The following CCDC3 variants were observed in gnomAD, a reference collection of about 807,000 sequenced individuals.
CCDC3 encodes coiled-coil domain containing 3.
CCDC3 carries 24 observed loss-of-function variants against 21.4 expected under a neutral mutation model. The observed-to-expected ratio is 1.12, with a 90% CI of 0.81 to 1.58. The LOEUF (loss-of-function observed/expected upper bound fraction) is 1.58, where lower values mean the gene tolerates loss of function less well. Ranked by LOEUF, CCDC3 falls within the 40% of genes most tolerant of loss-of-function variation. The pLI is 0.00. For missense variants in CCDC3, 425 were observed against 360.9 expected, an observed-to-expected ratio of 1.18 and a Z score of -1.44; for synonymous variants, 186 against 166.0, an observed-to-expected ratio of 1.12 and a Z score of -0.93.
intron 2 of CCDC3, among the ~76,000 whole-genome samples, chr10:12,967,641 G>T (rs148948250): frequency 8.0e-4 from 122 of 152,152 alleles, no homozygotes; most frequent in Non-Finnish European, 1.5e-4. Context: ...AAAGTGAAAA[G>T]GGATGAAGAA....
intron 2 of CCDC3, among the ~76,000 whole-genome samples, chr10:12,931,686 C>T (rs777752158): frequency 6.6e-6 from 1 of 152,210 alleles, no homozygotes; most frequent in Non-Finnish European, 1.5e-5. Context: ...GTTTGTCTGA[C>T]CAAACCTCTC....
At chr10:12,946,314 C>CA (rs1564294138) in intron 2 of CCDC3, among the ~76,000 whole-genome samples, 1 of 152,026 alleles carries the variant, frequency 6.6e-6, no homozygotes, top group East Asian at 1.9e-4. Flanking sequence ...AGAGGCTGAC[C>CA]AAAAAGGGGA....
chr10:12,932,779 TATA>T (rs1834668461), intron 2 of CCDC3, among the ~76,000 whole-genome samples: 1 of 152,194 alleles, frequency 6.6e-6, no homozygotes, highest in South Asian at 2.1e-4. Flanking sequence ...CACTATTAAT[TATA>T]ATGTTAGCTT....
chr10:13,088,637 C>G (rs1265504642), intron 3 of CCDC3, among the ~76,000 whole-genome samples: 1 of 152,198 alleles, frequency 6.6e-6, no homozygotes. Context: ...CCTGCCTGCC[C>G]TGTCTCCAAA....
chr10:13,061,951 T>C (rs1836762592), intron 4 of CCDC3, among the ~76,000 whole-genome samples: 2 of 152,114 alleles, frequency 1.3e-5, no homozygotes, highest in African/African-American at 4.8e-5. Flanking sequence ...AGAGATTCTT[T>C]AGAGATGTAA....
chr10:12,930,106 T>G (rs1305184598), intron 2 of CCDC3, among the ~76,000 whole-genome samples: 1 of 152,224 alleles, frequency 6.6e-6, no homozygotes, highest in East Asian at 1.9e-4. Context: ...ATTGCAGAGT[T>G]GAAGCAGAAG....
intron 2 of CCDC3, among the ~76,000 whole-genome samples, chr10:12,910,891 G>A (rs1251922585): frequency 2.0e-5 from 3 of 152,166 alleles, no homozygotes; most frequent in Admixed American, 6.5e-5. Context: ...CACAGAGCCC[G>A]GCCAAGGGCA....
chr10:12,999,366 C>CA (rs1402948785), intron 1 of CCDC3, among the ~76,000 whole-genome samples: 3 of 152,128 alleles, frequency 2.0e-5, no homozygotes, highest in Non-Finnish European at 4.4e-5. Flanking sequence ...TGTTAGTGAA[C>CA]ACATTTAAAG....
intron 3 of CCDC3, among the ~76,000 whole-genome samples, chr10:13,096,855 G>A (rs930921942): frequency 5.3e-5 from 8 of 152,102 alleles, no homozygotes; most frequent in Non-Finnish European, 7.4e-5. Flanking sequence ...TCTGGGGGCG[G>A]GGGAGTCACT....
rs572361448 is a variant in CCDC3, at chr10:12,916,089, G to C, written c.550-17410C>G. On this transcript the variant is annotated intron_variant, in intron 2 of 2. Coordinates refer to ENST00000378825, the MANE Select transcript of CCDC3 (RefSeq NM_031455.4). ...TAAACCCCTGGTCTGCTGGAGAATAGCAATGCAGGGGCTGCCCTGGCACTG... is the reference window on the plus strand; with the variant it reads ...TAAACCCCTGGTCTGCTGGAGAATACCAATGCAGGGGCTGCCCTGGCACTG... 5.5e-4 allele frequency among the ~76,000 whole-genome samples: 84 copies of C among 152,246 alleles called. 1 individual carries two copies. The highest frequency in any genetic ancestry group is 1.9e-3 in the African/African-American group (81 of 41,548).
At chr10:12,976,688 A>G (rs1322724935) in intron 2 of CCDC3, among the ~76,000 whole-genome samples, 1 of 152,206 alleles carries the variant, frequency 6.6e-6, no homozygotes, top group Non-Finnish European at 1.5e-5. Context: ...CTTGCTGAAA[A>G]TCCAGTAAGA....
intron 5 of CCDC3, among the ~76,000 whole-genome samples, chr10:13,044,658 T>TCC (rs1184036039): frequency 2.0e-5 from 3 of 152,154 alleles, no homozygotes; most frequent in Admixed American, 6.5e-5. Flanking sequence ...TGGCTGCAGG[T>TCC]GTGTGGCCTT....
At chr10:13,004,724 C>T (rs1835905744), upstream of CCDC3, among the ~76,000 whole-genome samples, 1 of 152,010 alleles carries the variant, frequency 6.6e-6, no homozygotes, top group Admixed American at 6.6e-5. Context: ...GCTAGGCCAG[C>T]CGTGGTAAGA....
intron 5 of CCDC3, among the ~76,000 whole-genome samples, chr10:13,018,394 A>G (rs1002593370): frequency 2.0e-5 from 3 of 152,108 alleles, no homozygotes; most frequent in African/African-American, 7.2e-5. Context: ...TACTTGTCTG[A>G]TATCTCATCA....
At chr10:12,964,538 C>G (rs138100088) in intron 2 of CCDC3, among the ~76,000 whole-genome samples, 1 of 152,134 alleles carries the variant, frequency 6.6e-6, no homozygotes, top group Non-Finnish European at 1.5e-5. Context: ...AACAGTACCA[C>G]GAAGAGAGAA....
At chr10:13,013,965 A>G (rs1457680267) in intron 5 of CCDC3, among the ~76,000 whole-genome samples, 1 of 151,886 alleles carries the variant, frequency 6.6e-6, no homozygotes, top group East Asian at 1.9e-4. Context: ...AGCCTGGCCA[A>G]CATGGCGAAA....
chr10:13,000,963 C>T lies in CCDC3; in HGVS notation c.374+234G>A, dbSNP rs2131287793. ...CTGCAATGCTCTTCTGTGTACAAGG[C>T]ACAGAAACCTTCCCTGTCTTTTAAA... is the stretch of plus-strand genomic sequence containing the variant. On this transcript the variant is annotated intron_variant, in intron 1 of 2. Coordinates refer to ENST00000378825, the MANE Select transcript of CCDC3 (RefSeq NM_031455.4). 1.3e-5 allele frequency among the ~76,000 whole-genome samples: 2 copies of T among 152,316 alleles called. 1 individual carries two copies. Among genetic ancestry groups the T allele is most frequent in the South Asian group, 4.1e-4 (2 of 4,828 alleles).
intron 5 of CCDC3, among the ~76,000 whole-genome samples, chr10:13,040,865 G>A (rs1308933182): frequency 6.6e-6 from 1 of 152,142 alleles, no homozygotes; most frequent in African/African-American, 2.4e-5. Context: ...GTCCTATCTA[G>A]TAAATTATTT....
At chr10:12,922,032 A>G (rs1050366242) in intron 2 of CCDC3, among the ~76,000 whole-genome samples, 3 of 152,118 alleles carry the variant, frequency 2.0e-5, no homozygotes, top group African/African-American at 4.8e-5. Context: ...GCCTGACCCT[A>G]TCTTAACTAT....
Sources: gnomAD v4.1 joint callset for allele counts (sites outside exome capture counted in the v4.1 genomes callset) on GRCh38, gnomAD v4.1.1 for gene constraint, MANE v1.5 for transcripts, NCBI Gene and HGNC (gene_info 2026-07-23, HGNC 2026-07-21) for gene names.